The following IFNL3 variants were observed in gnomAD, a reference collection of about 807,000 sequenced individuals.
IFNL3 encodes interferon lambda-3.
IFNL3 carries 16 observed loss-of-function variants against 16.3 expected under a neutral mutation model. The observed-to-expected ratio is 0.98, with a 90% CI of 0.67 to 1.50. IFNL3 has a LOEUF of 1.50. IFNL3 is among the 40% of genes most tolerant of loss of function. The pLI is 0.00. For missense variants in IFNL3, 254 were observed against 253.5 expected (o/e 1.00, Z -0.01); for synonymous variants, 115 against 115.3 (o/e 1.00, Z 0.02).
In IFNL3 at chr19:39,243,861, T is replaced by G. The variant is rs773358366; in HGVS notation, c.455A>C (p.His152Pro). The change falls in exon 4 of 5, where the codon CAC (histidine) becomes CCC (proline). Residue 152 changes from histidine to proline, a missense_variant. His to Pro is a moderately conservative substitution (Grantham distance 77). Transcript: ENST00000413851. Reference sequence around the variant, plus strand: ...CTCCTGGAGCCGGTGCAGCCAATGGTGGAGGCGGCCCCGGGTCCTGGGCCC... The same window carrying G: ...CTCCTGGAGCCGGTGCAGCCAATGGGGGAGGCGGCCCCGGGTCCTGGGCCC... Reference protein sequence around the residue: ...TAGPRTRGRLHHWLHRLQEAP... With the variant: ...TAGPRTRGRLPHWLHRLQEAP... 6.2e-7 allele frequency: 1 copy of G among 1,613,796 alleles called. No homozygotes were observed. The highest frequency in any genetic ancestry group is 8.5e-7 in the Non-Finnish European group (1 of 1,179,994).
At position 39,244,059 on chromosome 19, in the gene IFNL3, C is replaced by G; in HGVS notation, c.357G>C (p.Leu119Phe). 3.1e-6 allele frequency: 5 copies of G among 1,614,182 alleles called. No homozygotes were observed. The highest frequency in any genetic ancestry group is 4.2e-6 in the Non-Finnish European group (5 of 1,180,040). ...ADTDPALGDV[L>F]DQPLHTLHHI... is the part of the protein sequence containing the mutation. ...GGTGCAGGGTGTGAAGGGGCTGGTCCAAGACATCCCCCAGGGCTGGGTCAG... is the reference window on the plus strand; with the variant it reads ...GGTGCAGGGTGTGAAGGGGCTGGTCGAAGACATCCCCCAGGGCTGGGTCAG... The change falls in exon 3 of 5, where the codon TTG (leucine) becomes TTC (phenylalanine). Residue 119 changes from leucine (L) to phenylalanine (F), a missense_variant. Leu to Phe is a conservative substitution (Grantham distance 22). Transcript: ENST00000413851.
chr19:39,244,687 G>A (rs1394402399), intron 1 of IFNL3, 101 bp downstream of exon 1: 4 of 1,470,370 alleles, frequency 2.7e-6, no homozygotes, highest in East Asian at 2.4e-5. Context: ...CAGGGAGGGT[G>A]GAGGCTAGCC....
downstream of IFNL3, chr19:39,243,473 T>A (rs934219650): frequency 1.1e-6 from 1 of 906,522 alleles, no homozygotes; most frequent in African/African-American, 1.7e-5. Context: ...CCTCATTGTT[T>A]ATTTCAACAA....
intron 2 of IFNL3, 87 bp downstream of exon 2, chr19:39,244,330 A>T: frequency 1.3e-6 from 2 of 1,506,240 alleles, no homozygotes; most frequent in Non-Finnish European, 1.8e-6. Flanking sequence ...AGAGAGGGAC[A>T]ATGGAGAAGG....
rs1395607684 is a variant in IFNL3 at position 39,244,014 on chromosome 19, C to T, written c.402G>A (p.Arg134=). ...HTLHHILSQL[R]ACIQPQPTAG... is the part of the protein sequence containing the mutation. ...CCGGGCCCTGACGACTCACACAGGC[C>T]CGGAGCTGGGAGAGGATATGGTGCA... is the stretch of plus-strand genomic sequence containing the variant. The change falls in exon 3 of 5, where the codon CGG becomes CGA. Residue 134 remains arginine, a synonymous_variant. Coordinates refer to ENST00000413851, the MANE Select transcript of IFNL3 (RefSeq NM_172139.4). The T allele has an allele frequency of 3.1e-6, 5 of 1,613,792 alleles. No individual in the cohort carries two copies. Among genetic ancestry groups the T allele is most frequent in the African/African-American group, 1.3e-5 (1 of 74,908 alleles).
rs756085881 is a variant in IFNL3 at position 39,243,825 on chromosome 19, T to A, written c.491A>T (p.Lys164Met). The A allele has an allele frequency of 1.2e-6, 2 of 1,613,686 alleles. No homozygotes were observed. Among genetic ancestry groups the A allele is most frequent in the East Asian group, 2.2e-5 (1 of 44,874 alleles). The part of the protein sequence containing the change: ...WLHRLQEAPK[K>M]ESPGCLEASV... ...TCCCTCTCTTCCCGGGTCACTCACC[T>A]TTTTTGGGGCCTCCTGGAGCCGGTG... Residue 164 changes from lysine (K) to methionine (M), a missense_variant and splice_region_variant, in exon 4 of 5, where the codon AAG (lysine) becomes ATG (methionine). Coordinates refer to ENST00000413851, the MANE Select transcript of IFNL3 (RefSeq NM_172139.4).
chr19:39,244,091 C>T lies in IFNL3; in HGVS notation c.325G>A (p.Ala109Thr), dbSNP rs751900525. The T allele has an allele frequency of 7.4e-6, 12 of 1,614,016 alleles. No homozygotes were observed. The highest frequency in any genetic ancestry group is 2.7e-5 in the African/African-American group (2 of 74,898). ...TCCCCCAGGGCTGGGTCAGTGTCAG[C>T]GGTGGCCTCCAGAACCTTCAGCGTC... ...ALTLKVLEAT[A>T]DTDPALGDVL... The change falls in exon 3 of 5, where the codon GCT becomes ACT. Residue 109 changes from alanine (A) to threonine (T), a missense_variant. Physicochemically the swap from Ala to Thr is moderately conservative, Grantham distance 58. Transcript: ENST00000413851.
rs141536970 is a variant in IFNL3 at position 39,244,895 on chromosome 19, C to A, written c.73G>T (p.Ala25Ser). The change falls in exon 1 of 5, where the codon GCC becomes TCC. Residue 25 changes from alanine (A) to serine (S), a missense_variant. Transcript: ENST00000413851. Reference sequence around the variant, plus strand: ...TCCGGGAGAGCCCCGCGGAGCCTGGCGACAGGAACTGCTCCAGTCACGGTC... The same window carrying A: ...TCCGGGAGAGCCCCGCGGAGCCTGGAGACAGGAACTGCTCCAGTCACGGTC... ...VLTVTGAVPV[A>S]RLRGALPDAR... 3.7e-4 allele frequency: 596 copies of A among 1,613,948 alleles called. 1 individual carries two copies. In the African/African-American group the frequency reaches 7.3e-3, roughly 20 times the overall value.
At position 39,243,843 on chromosome 19, in the gene IFNL3, A is replaced by G; in HGVS notation, c.473T>C (p.Leu158Pro). 2.5e-6 allele frequency: 4 copies of G among 1,613,846 alleles called. No individual in the cohort carries two copies. The highest frequency in any genetic ancestry group is 3.4e-6 in the Non-Finnish European group (4 of 1,179,986). ...RGRLHHWLHR[L>P]QEAPKKESPG... ...ACTCACCTTTTTTGGGGCCTCCTGG[A>G]GCCGGTGCAGCCAATGGTGGAGGCG... Residue 158 changes from leucine to proline, a missense_variant, in exon 4 of 5, where the codon CTC becomes CCC. Leu to Pro is a moderately conservative substitution (Grantham distance 98). Coordinates refer to ENST00000413851, the MANE Select transcript of IFNL3 (RefSeq NM_172139.4).
rs199662821 is a variant in IFNL3, at chr19:39,243,778, C to G, written c.492+46G>C. The G allele has an allele frequency of 4.6e-5, 74 of 1,612,968 alleles. No individual in the cohort carries two copies. The African/African-American group carries it at 7.2e-4, about 16-fold the overall frequency. ...CAGGGGCTGTCTGGGTTCTGGGCTC[C>G]CAGTGGCTCCCCAGACCTCAGTCCC... On this transcript the variant is annotated intron_variant, in intron 4 of 4. Coordinates refer to ENST00000413851, the MANE Select transcript of IFNL3 (RefSeq NM_172139.4).
intron 4 of IFNL3, 36 bp from the exon 5 acceptor site, chr19:39,243,766 G>A (rs934166005): frequency 9.9e-6 from 16 of 1,612,798 alleles, no homozygotes; most frequent in African/African-American, 2.7e-5. Flanking sequence ...GGGCTGTCTG[G>A]GTTCTGGGCT....
At position 39,244,408 on chromosome 19, in the gene IFNL3, C is replaced by T. The variant is rs746917398; in HGVS notation, c.258+9G>A. 8 of 1,610,062 alleles carry T rather than the reference C, an allele frequency of 5.0e-6. No homozygotes were observed. The highest frequency in any genetic ancestry group is 1.7e-5 in the Admixed American group (1 of 59,338). ...GGAGGGCAGGGGTGGGCCTGACTCC[C>T]CCTCTCACCTGCAGCTGCCTCAGGT... On this transcript the variant is annotated intron_variant, in intron 2 of 4. Coordinates refer to ENST00000413851, the MANE Select transcript of IFNL3 (RefSeq NM_172139.4).
rs200783610 is a variant in IFNL3 at position 39,243,923 on chromosome 19, G to A, written c.409-16C>T. Reference sequence around the variant, plus strand: ...GAGGCTGGATCTGTGGGCAGAGGAGGGCGGTGTGTGAGCCGGGGCCTTGGC... The same window carrying A: ...GAGGCTGGATCTGTGGGCAGAGGAGAGCGGTGTGTGAGCCGGGGCCTTGGC... On this transcript the variant is annotated splice_polypyrimidine_tract_variant and intron_variant, in intron 3 of 4. Transcript: ENST00000413851. 179 of 1,612,296 alleles carry A rather than the reference G, an allele frequency of 1.1e-4. No individual in the cohort carries two copies. Among genetic ancestry groups the A allele is most frequent in the Non-Finnish European group, 1.4e-4 (162 of 1,179,108 alleles).
intron 3 of IFNL3, 28 bp downstream of exon 3, chr19:39,243,980 C>A: frequency 6.2e-7 from 1 of 1,612,218 alleles, no homozygotes; most frequent in Non-Finnish European, 8.5e-7. Flanking sequence ...AGCTCACAGA[C>A]CTGGGTGCCC....
At chr19:39,245,110 C>T (rs1600454145), upstream of IFNL3, 17 of 1,585,140 alleles carry the variant, frequency 1.1e-5, no homozygotes, top group East Asian at 2.0e-4. Context: ...GCAGAAGAAA[C>T]ACTCTGAGGC....
Position 39,243,601 on chromosome 19 carries a change from A to G in IFNL3, c.*31T>C. 2.6e-6 allele frequency: 4 copies of G among 1,552,640 alleles called. No individual in the cohort carries two copies. Among genetic ancestry groups the G allele is most frequent in the Non-Finnish European group, 3.5e-6 (4 of 1,147,010 alleles). ...TAAGCCAAGTGGCTAATTTATAAAT[A>G]AAATCTCAGGTTGCATGACTGGCGG... On this transcript the variant is annotated 3_prime_UTR_variant, in exon 5 of 5. Coordinates refer to ENST00000413851, the MANE Select transcript of IFNL3 (RefSeq NM_172139.4).
intron 2 of IFNL3, 36 bp downstream of exon 2, chr19:39,244,381 T>C: frequency 7.3e-7 from 1 of 1,377,338 alleles, no homozygotes; most frequent in Non-Finnish European, 9.7e-7. Flanking sequence ...TGAGCAGGGC[T>C]GGGAGGGCAG....
rs141678286 is a variant in IFNL3 at position 39,244,992 on chromosome 19, G to A, written c.-25C>T. 1,201 of 1,613,968 alleles carry A rather than the reference G, an allele frequency of 7.4e-4. 13 individuals are homozygous for A. In the African/African-American group the frequency reaches 0.014, roughly 18 times the overall value. ...TGTCTGTGTCACAGAGAGAAAGGGA[G>A]CTGAGGGAATGCAGAGGCTGCCCAC... On this transcript the variant is annotated 5_prime_UTR_variant, in exon 1 of 5. Coordinates refer to ENST00000413851, the MANE Select transcript of IFNL3 (RefSeq NM_172139.4).
upstream of IFNL3, chr19:39,245,158 C>A: frequency 2.4e-6 from 3 of 1,230,618 alleles, no homozygotes; most frequent in Non-Finnish European, 3.5e-6. Context: ...TCTGGAGTCT[C>A]TGTTCTTTTC....
Sources: gnomAD v4.1 joint callset for allele counts on GRCh38, gnomAD v4.1.1 for gene constraint, MANE v1.5 for transcripts, NCBI Gene and HGNC (gene_info 2026-07-23, HGNC 2026-07-21) for gene names.